The following ATP8B4 variants were observed in gnomAD, a reference collection of about 807,000 sequenced individuals.
The protein encoded by ATP8B4 is ATPase phospholipid transporting 8B4 (putative).
ATP8B4 carries 133 observed loss-of-function variants against 145.6 expected under a neutral mutation model. That is an observed-to-expected ratio of 0.91 (90% CI 0.79 to 1.05). The LOEUF (loss-of-function observed/expected upper bound fraction) is 1.05. Ranked by LOEUF, ATP8B4 falls within the 50% of genes least tolerant of loss-of-function variation. The probability of loss-of-function intolerance (pLI) is 0.00; values close to 1 mark genes in which losing one functional copy is unlikely to be tolerated. For missense variants in ATP8B4, 1,458 were observed against 1,425.2 expected, an observed-to-expected ratio of 1.02 and a Z score of -0.37; for synonymous variants, 507 against 492.9, an observed-to-expected ratio of 1.03 and a Z score of -0.38.
At chr15:50,049,983 T>C (rs956551326) in intron 3 of ATP8B4, among the ~76,000 whole-genome samples, 1 of 152,102 alleles carries the variant, frequency 6.6e-6, no homozygotes, top group East Asian at 1.9e-4. Flanking sequence ...TCTTGCCACA[T>C]AGCAAATTCC....
intron 6 of ATP8B4, among the ~76,000 whole-genome samples, chr15:50,034,980 A>G (rs1026985127): frequency 4.6e-5 from 7 of 152,240 alleles, no homozygotes; most frequent in Non-Finnish European, 1.0e-4. Flanking sequence ...CAGCAGTCAC[A>G]TTAACGTCTA....
chr15:50,042,766 C>A (rs959190985), intron 5 of ATP8B4, among the ~76,000 whole-genome samples: 9 of 152,038 alleles, frequency 5.9e-5, no homozygotes, highest in Non-Finnish European at 2.9e-5. Context: ...AGCCAGATTG[C>A]TTGAGATGGA....
chr15:50,087,727 G>T (rs1263829947), intron 2 of ATP8B4, among the ~76,000 whole-genome samples: 1 of 151,914 alleles, frequency 6.6e-6, no homozygotes, highest in Non-Finnish European at 1.5e-5. Context: ...AAATGTTTAT[G>T]TGACATTGTG....
At chr15:49,923,352 T>C in intron 17 of ATP8B4, 27 bp downstream of exon 17, 1 of 1,514,564 alleles carries the variant, frequency 6.6e-7, no homozygotes, top group Non-Finnish European at 9.1e-7. Flanking sequence ...AGGGCCATTG[T>C]GCTAACCTTA....
intron 14 of ATP8B4, among the ~76,000 whole-genome samples, chr15:49,955,958 G>A (rs967785805): frequency 3.9e-5 from 6 of 152,024 alleles, no homozygotes; most frequent in Admixed American, 2.6e-4. Context: ...TGAGCTTACA[G>A]TTAACACTAC....
chr15:49,879,502 G>C (rs1354906080), intron 23 of ATP8B4, 43 bp from the exon 24 acceptor site: 3 of 1,499,368 alleles, frequency 2.0e-6, no homozygotes, highest in South Asian at 2.4e-5. Flanking sequence ...ATCATCCATA[G>C]TAGTGAGAAT....
At chr15:49,974,854 T>C (rs2045532696) in intron 12 of ATP8B4, among the ~76,000 whole-genome samples, 1 of 152,224 alleles carries the variant, frequency 6.6e-6, no homozygotes, top group Non-Finnish European at 1.5e-5. Flanking sequence ...GGATGCTTTC[T>C]GTGTCACAAA....
At chr15:49,921,508 G>T (rs116839158) in intron 17 of ATP8B4, among the ~76,000 whole-genome samples, 102 of 152,196 alleles carry the variant, frequency 6.7e-4, no homozygotes, top group African/African-American at 2.5e-3. Context: ...ATTGCTTTGG[G>T]GGAAATGCTC....
intron 24 of ATP8B4, 86 bp from the exon 25 acceptor site, chr15:49,876,609 C>G: frequency 6.5e-7 from 1 of 1,549,442 alleles, no homozygotes; most frequent in Non-Finnish European, 8.8e-7. Context: ...ATAGCAAATG[C>G]CTGTTTAAAC....
intron 14 of ATP8B4, among the ~76,000 whole-genome samples, chr15:49,950,615 C>CAAAAAAAAA (rs1189915156): frequency 2.5e-5 from 2 of 79,978 alleles, no homozygotes; most frequent in African/African-American, 5.0e-5. Context: ...AACAAACAAA[C>CAAAAAAAAA]AAACAAAAAA....
At chr15:50,002,344 A>G in intron 7 of ATP8B4, 121 bp from the exon 8 acceptor site, 1 of 749,274 alleles carries the variant, frequency 1.3e-6, no homozygotes, top group Non-Finnish European at 2.1e-6. Context: ...GAGTAAAAGA[A>G]GTGAGATCCT....
intron 15 of ATP8B4, 94 bp downstream of exon 15, chr15:49,933,923 A>G: frequency 7.4e-7 from 1 of 1,348,388 alleles, no homozygotes; most frequent in Admixed American, 2.7e-5. Context: ...TCACTGCTCA[A>G]ATGCTTAATT....
intron 12 of ATP8B4, among the ~76,000 whole-genome samples, chr15:49,977,485 G>A (rs980602904): frequency 1.5e-4 from 23 of 152,048 alleles, no homozygotes; most frequent in Non-Finnish European, 3.1e-4. Context: ...GGAAAACACT[G>A]TCCCAACTCT....
intron 3 of ATP8B4, among the ~76,000 whole-genome samples, chr15:50,054,691 G>A (rs1412247120): frequency 2.7e-5 from 4 of 150,466 alleles, no homozygotes; most frequent in African/African-American, 4.9e-5. Flanking sequence ...GGCTGAGGCA[G>A]GAGAATAGCA....
At chr15:49,945,271 C>A (rs1170126319) in intron 14 of ATP8B4, among the ~76,000 whole-genome samples, 2 of 152,022 alleles carry the variant, frequency 1.3e-5, no homozygotes, top group African/African-American at 2.4e-5. Context: ...GAAAAACAGA[C>A]AAACTCCTAG....
At chr15:50,057,247 G>A (rs564295086) in intron 3 of ATP8B4, among the ~76,000 whole-genome samples, 18 of 152,218 alleles carry the variant, frequency 1.2e-4, no homozygotes, top group Admixed American at 9.2e-4. Context: ...ATCTCCAGGC[G>A]CTATGCTGAA....
intron 25 of ATP8B4, among the ~76,000 whole-genome samples, 177 bp from the exon 26 acceptor site, chr15:49,866,661 T>C (rs2032842648): frequency 6.6e-6 from 1 of 152,256 alleles, no homozygotes; most frequent in South Asian, 2.1e-4. Context: ...TCTGACTTCA[T>C]ATTTCTGGTA....
chr15:49,887,643 A>C (rs1231535412), intron 23 of ATP8B4, among the ~76,000 whole-genome samples: 1 of 151,910 alleles, frequency 6.6e-6, no homozygotes. Context: ...AAAATCCTAT[A>C]AGTGTCTCTT....
At position 49,913,876 on chromosome 15, in the gene ATP8B4, G is replaced by A. The variant is rs189643823; in HGVS notation, c.2141+3058C>T. 9.5e-4 allele frequency among the ~76,000 whole-genome samples: 144 copies of A among 152,104 alleles called. 2 individuals carry two copies. Among genetic ancestry groups the A allele is most frequent in the Admixed American group, 6.9e-3 (105 of 15,274 alleles). ...ACACCAGTGAAAGAAATTGGAGAGG[G>A]CACAAACAAATGAAAAGACATTCCA... On this transcript the variant is annotated intron_variant, in intron 20 of 27. Coordinates refer to ENST00000284509, the MANE Select transcript of ATP8B4 (RefSeq NM_024837.4).
Sources: allele counts gnomAD v4.1 joint callset (sites outside exome capture counted in the v4.1 genomes callset), GRCh38; gene constraint gnomAD v4.1.1; transcripts MANE v1.5; gene names NCBI Gene and HGNC (gene_info 2026-07-23, HGNC 2026-07-21).